The following RNF213 variants were observed in gnomAD, a reference collection of about 807,000 sequenced individuals.
RNF213 encodes the protein ring finger protein 213, also known as E3 ubiquitin-protein ligase RNF213.
RNF213 carries 341 observed loss-of-function variants against 514.4 expected under a neutral mutation model. The observed-to-expected ratio is 0.66, with a 90% confidence interval of 0.61 to 0.73. The LOEUF (loss-of-function observed/expected upper bound fraction) is 0.73. Among genes scored for constraint, RNF213 ranks in the 30% least tolerant of loss-of-function variants. The pLI, the probability that RNF213 is intolerant of heterozygous loss-of-function variation, is 0.00. For missense variants in RNF213, 5,767 were observed against 6,615.6 expected (o/e 0.87, Z 4.45); for synonymous variants, 2,655 against 2,658.2 (o/e 1.00, Z 0.04).
Position 80,336,311 on chromosome 17 carries a change from C to T in RNF213, c.4460C>T (p.Ala1487Val). 6.5e-6 allele frequency: 10 copies of T among 1,537,246 alleles called. No homozygotes were observed. Among genetic ancestry groups the T allele is most frequent in the Non-Finnish European group, 7.8e-6 (9 of 1,146,920 alleles). ...FKLDPSVDFS[A>V]FMKHLKKLWK... ...CTGGACCCCAGCGTGGACTTCAGTG[C>T]ATTCATGAAGCATCTGAAAAAGCTG... The change falls in exon 23 of 68, where the codon GCA becomes GTA. Residue 1487 changes from alanine to valine, a missense_variant. Around this residue, in one of 13 missense-constraint regions of RNF213, gnomAD observed 1,377 missense variants for 1,635.2 expected, o/e 0.84. Transcript: ENST00000582970.
chr17:80,354,039 C>T lies in RNF213; in HGVS notation c.10599C>T (p.Thr3533=), dbSNP rs1671578336. The change falls in exon 35 of 68, where the codon ACC becomes ACT. Residue 3533 remains threonine, a synonymous_variant. Transcript: ENST00000582970. ...GGSDVSILDT[T]RLLRSCVQSA... is the part of the protein sequence containing the mutation. Reference sequence around the variant, plus strand: ...AACAGGTGTCGATCCTGGACACCACCAGGCTGCTGAGAAGCTGTGTGCAGA... The same window carrying T: ...AACAGGTGTCGATCCTGGACACCACTAGGCTGCTGAGAAGCTGTGTGCAGA... 3 of 1,613,932 alleles carry T rather than the reference C, an allele frequency of 1.9e-6. No homozygotes were observed. The South Asian group carries it at 3.3e-5, about 18-fold the overall frequency.
chr17:80,288,792 C>G lies in RNF213; in HGVS notation c.933+37C>G, dbSNP rs748352888. 5 of 1,613,648 alleles carry G rather than the reference C, an allele frequency of 3.1e-6. No individual in the cohort carries two copies. Among genetic ancestry groups the G allele is most frequent in the South Asian group, 1.1e-5 (1 of 91,068 alleles). On this transcript the variant is annotated intron_variant, in intron 5 of 67. Transcript: ENST00000582970. This position sits in a 1 kb window ranked among gnomAD's most constrained non-coding sequence, Gnocchi z 4.9. ...TCCTGCCTGCCGGCTCCAGGAGGCCCTCTCCTGCCCACGGCTGCGCCTCTT... is the reference window on the plus strand; with the variant it reads ...TCCTGCCTGCCGGCTCCAGGAGGCCGTCTCCTGCCCACGGCTGCGCCTCTT...
intron 2 of RNF213, among the ~76,000 whole-genome samples, chr17:80,271,255 G>C (rs2043812888): frequency 6.6e-6 from 1 of 152,196 alleles, no homozygotes; most frequent in African/African-American, 2.4e-5. Context: ...TGTTTCATGT[G>C]TGTCTTATGT....
At chr17:80,273,846 C>T (rs2043919869) in intron 3 of RNF213, among the ~76,000 whole-genome samples, 1 of 152,014 alleles carries the variant, frequency 6.6e-6, no homozygotes, top group Admixed American at 6.6e-5. Flanking sequence ...TCTCAAACTC[C>T]TGACCTCAGG....
chr17:80,274,254 C>T (rs2043935438), intron 3 of RNF213, among the ~76,000 whole-genome samples: 1 of 151,938 alleles, frequency 6.6e-6, no homozygotes, highest in South Asian at 2.1e-4. Flanking sequence ...CTTTTGGCTC[C>T]CTCTGGCCTT....
At chr17:80,368,967 T>A (rs545471017) in intron 44 of RNF213, among the ~76,000 whole-genome samples, 1 of 152,166 alleles carries the variant, frequency 6.6e-6, no homozygotes, top group East Asian at 1.9e-4. Context: ...TGACATACTT[T>A]GGGATATTGA....
chr17:80,360,905 G>A (rs570842614), intron 38 of RNF213, among the ~76,000 whole-genome samples: 1 of 152,172 alleles, frequency 6.6e-6, no homozygotes, highest in African/African-American at 2.4e-5. Context: ...CTCTCCTCAT[G>A]AGCATATTCC....
At chr17:80,290,450 T>C (rs568631244) in intron 6 of RNF213, 120 bp from the exon 7 acceptor site, 125 of 1,199,780 alleles carry the variant, frequency 1.0e-4, no homozygotes, top group Admixed American at 3.9e-4. Context: ...CATGTGTGTG[T>C]GCGAGTGCAT....
intron 32 of RNF213, 87 bp downstream of exon 32, chr17:80,351,890 C>T: frequency 1.3e-6 from 1 of 771,968 alleles, no homozygotes. Flanking sequence ...GAGTCTTGCT[C>T]TGTCACCAGG....
rs746688830 is a variant in RNF213 at position 80,377,720 on chromosome 17, G to A, written c.13511-42G>A. 10 of 1,612,744 alleles carry A rather than the reference G, an allele frequency of 6.2e-6. No individual in the cohort carries two copies. The highest frequency in any genetic ancestry group is 3.3e-5 in the South Asian group (3 of 91,066). On this transcript the variant is annotated intron_variant, in intron 53 of 67. Coordinates refer to ENST00000582970, the MANE Select transcript of RNF213 (RefSeq NM_001256071.3). The surrounding 1 kb of genome is among the most constrained non-coding windows in gnomAD (Gnocchi z 4.1). ...TTCCCTTTTCAATGTGGGTCATTGG[G>A]TGAAACCTCATTAGCCAATGTGTGT...
intron 8 of RNF213, 128 bp from the exon 9 acceptor site, chr17:80,294,592 C>T (rs897895237): frequency 2.5e-6 from 3 of 1,207,546 alleles, no homozygotes; most frequent in Admixed American, 1.8e-5. Flanking sequence ...TTGCTTTTCC[C>T]TTCCTCCCTT....
chr17:80,397,481 G>C lies in RNF213; in HGVS notation c.*3983G>C, dbSNP rs2080687953. ...TAAAGATCGACGCCTGACCTAATCA[G>C]TGATGCTATCTATAGATTACAGACA... On this transcript the variant is annotated 3_prime_UTR_variant, in exon 68 of 68. Coordinates refer to ENST00000582970, the MANE Select transcript of RNF213 (RefSeq NM_001256071.3). 1 of 152,116 alleles carries C rather than the reference G, an allele frequency of 6.6e-6. No homozygotes were observed. The highest frequency in any genetic ancestry group is 6.5e-5 in the Admixed American group (1 of 15,288). The allele number at this position is 152,116 out of a possible 1,614,324, so 9.4% of individuals were successfully genotyped here.
At chr17:80,286,242 G>T (rs912292186) in intron 3 of RNF213, among the ~76,000 whole-genome samples, 1 of 152,022 alleles carries the variant, frequency 6.6e-6, no homozygotes, top group Non-Finnish European at 1.5e-5. Context: ...CGGGAGGCTG[G>T]AGCCAAGCTG....
At position 80,339,299 on chromosome 17, in the gene RNF213, C is replaced by A. The variant is rs2078080375; in HGVS notation, c.4932C>A (p.Ser1644=). Residue 1644 remains serine, a synonymous_variant, in exon 26 of 68, where the codon TCC becomes TCA. Transcript: ENST00000582970. ...FRTWIAMAYC[S]PKQGVSLQMD... is the part of the protein sequence containing the mutation. ...CGTGGATCGCCATGGCCTACTGCTC[C>A]CCCAAGCAGGGTGTGTCCCTCCAAA... 6.5e-7 allele frequency: 1 copy of A among 1,536,568 alleles called. No individual in the cohort carries two copies. The highest frequency in any genetic ancestry group is 8.7e-7 in the Non-Finnish European group (1 of 1,146,436).
chr17:80,313,120 A>G lies in RNF213; in HGVS notation c.2764A>G (p.Met922Val), dbSNP rs1046227639. The G allele has an allele frequency of 1.9e-6, 3 of 1,614,184 alleles. No individual in the cohort carries two copies. Among genetic ancestry groups the G allele is most frequent in the Non-Finnish European group, 2.5e-6 (3 of 1,180,048 alleles). The change falls in exon 15 of 68, where the codon ATG becomes GTG. Residue 922 changes from methionine (M) to valine (V), a missense_variant. Transcript: ENST00000582970. ...RWLREVFTKN[M>V]LTSSGASFTY... ...GCTCCGAGAAGTTTTTACAAAGAACATGCTCACATCTTCAGGTGCCTCATT... is the reference window on the plus strand; with the variant it reads ...GCTCCGAGAAGTTTTTACAAAGAACGTGCTCACATCTTCAGGTGCCTCATT...
Position 80,263,743 on chromosome 17 carries a change from G to A in RNF213, c.62G>A (p.Cys21Tyr). ...KEETPKFCSQ[C>Y]GERLPPAAPI... Reference sequence around the variant, plus strand: ...GAAACCCCCAAGTTCTGCAGCCAGTGCGGAGAGAGGCTGCCTCCTGCAGCC... The same window carrying A: ...GAAACCCCCAAGTTCTGCAGCCAGTACGGAGAGAGGCTGCCTCCTGCAGCC... The change falls in exon 2 of 68, where the codon TGC (cysteine) becomes TAC (tyrosine). Residue 21 changes from cysteine (C) to tyrosine (Y), a missense_variant. Cys to Tyr is a radical substitution (Grantham distance 194, BLOSUM62 -2). Coordinates refer to ENST00000582970, the MANE Select transcript of RNF213 (RefSeq NM_001256071.3). The surrounding 1 kb of genome is among the most constrained non-coding windows in gnomAD (Gnocchi z 4.9). The A allele has an allele frequency of 6.2e-7, 1 of 1,614,120 alleles. No individual in the cohort carries two copies. The highest frequency in any genetic ancestry group is 8.5e-7 in the Non-Finnish European group (1 of 1,180,004).
At chr17:80,321,001 A>G (rs2046121469) in intron 17 of RNF213, 1 of 152,150 alleles carries the variant, frequency 6.6e-6, no homozygotes, top group African/African-American at 2.4e-5. Flanking sequence ...AGCAATAACA[A>G]CAAAAGTCCA....
intron 5 of RNF213, among the ~76,000 whole-genome samples, chr17:80,289,265 C>T (rs1007244510): frequency 1.3e-5 from 2 of 152,174 alleles, no homozygotes; most frequent in East Asian, 3.8e-4. Flanking sequence ...AACATTCTGG[C>T]CGCTGTAAGA....
rs537363507 is a variant in RNF213 at position 80,353,452 on chromosome 17, G to A, written c.10424-60G>A. ...AGCACACAGACTCCCAGATGGCACCGCTGCCAGTCCCTGTGCCACCTTCTG... is the reference window on the plus strand; with the variant it reads ...AGCACACAGACTCCCAGATGGCACCACTGCCAGTCCCTGTGCCACCTTCTG... On this transcript the variant is annotated intron_variant, in intron 33 of 67. Coordinates refer to ENST00000582970, the MANE Select transcript of RNF213 (RefSeq NM_001256071.3). This position sits in a 1 kb window ranked among gnomAD's most constrained non-coding sequence, Gnocchi z 5.0. 9.7e-6 allele frequency: 15 copies of A among 1,549,904 alleles called. No homozygotes were observed. The East Asian group carries it at 1.7e-4, about 17-fold the overall frequency.
Sources: allele counts gnomAD v4.1 joint callset (sites outside exome capture counted in the v4.1 genomes callset), GRCh38; gene constraint gnomAD v4.1.1; regional missense constraint gnomAD v4.1.1; non-coding constraint Gnocchi (gnomAD v3.1); transcripts MANE v1.5; gene names NCBI Gene and HGNC (gene_info 2026-07-23, HGNC 2026-07-21).